The following ABTB3 variants were observed in gnomAD, a reference collection of about 807,000 sequenced individuals.
The protein encoded by ABTB3 is ankyrin repeat and BTB domain containing 3.
the ABTB3 span, among the ~76,000 whole-genome samples, chr12:107,475,558 G>T: frequency 1.3e-5 from 2 of 152,148 alleles, no homozygotes; most frequent in Non-Finnish European, 2.9e-5. Flanking sequence ...GTAGAACTCT[G>T]ATCTGACCCA....
the ABTB3 span, among the ~76,000 whole-genome samples, chr12:107,367,764 CA>C: frequency 6.6e-6 from 1 of 152,134 alleles, no homozygotes; most frequent in African/African-American, 2.4e-5. Context: ...CTTGGCCTTC[CA>C]AAGTGCTGGG....
chr12:107,641,261 T>C, the ABTB3 span, among the ~76,000 whole-genome samples: 1 of 152,194 alleles, frequency 6.6e-6, no homozygotes, highest in Non-Finnish European at 1.5e-5. Flanking sequence ...TGCATAGTTT[T>C]CAGTCATGAC....
the ABTB3 span, among the ~76,000 whole-genome samples, chr12:107,492,251 C>G: frequency 6.6e-6 from 1 of 152,080 alleles, no homozygotes; most frequent in African/African-American, 2.4e-5. Flanking sequence ...TGTCAGGCTT[C>G]GTGTTCACCT....
chr12:107,332,894 G>A, the ABTB3 span, among the ~76,000 whole-genome samples: 6 of 152,302 alleles, frequency 3.9e-5, no homozygotes, highest in East Asian at 3.9e-4. Flanking sequence ...ATCATGAGCC[G>A]ACTCACAATT....
the ABTB3 span, among the ~76,000 whole-genome samples, chr12:107,433,580 C>T: frequency 5.9e-5 from 9 of 152,094 alleles, no homozygotes; most frequent in African/African-American, 2.2e-4. Flanking sequence ...CAGGTATGTT[C>T]TCCTCTCTGC....
At chr12:107,416,144 G>A in the ABTB3 span, among the ~76,000 whole-genome samples, 5 of 152,166 alleles carry the variant, frequency 3.3e-5, no homozygotes, top group African/African-American at 7.2e-5. Flanking sequence ...GCTTGCCCAC[G>A]TGTCATGACG....
the ABTB3 span, among the ~76,000 whole-genome samples, chr12:107,326,525 A>G: frequency 3.3e-5 from 5 of 152,214 alleles, no homozygotes; most frequent in Admixed American, 6.5e-5. Context: ...CAGATGTATC[A>G]TTGGCTCTCT....
chr12:107,585,363 A>G, the ABTB3 span, among the ~76,000 whole-genome samples: 1 of 152,194 alleles, frequency 6.6e-6, no homozygotes, highest in East Asian at 1.9e-4. Flanking sequence ...GCAAAGAGTA[A>G]TAGAATGGGA....
chr12:107,585,485 C>T, the ABTB3 span, among the ~76,000 whole-genome samples: 11 of 152,144 alleles, frequency 7.2e-5, no homozygotes, highest in Non-Finnish European at 1.3e-4. Flanking sequence ...AGCAGGTGAC[C>T]TTGGGCAAGT....
the ABTB3 span, among the ~76,000 whole-genome samples, chr12:107,481,916 TC>T: frequency 5.2e-4 from 78 of 151,350 alleles, 1 homozygote; most frequent in African/African-American, 1.7e-3. Context: ...TCTCTCTCTC[TC>T]TCTCTCTCTC....
the ABTB3 span, among the ~76,000 whole-genome samples, chr12:107,351,929 GTCTT>G: frequency 6.6e-6 from 1 of 152,182 alleles, no homozygotes. Context: ...GGTAGGAAGA[GTCTT>G]TAACTGATAT....
the ABTB3 span, among the ~76,000 whole-genome samples, chr12:107,365,518 C>G: frequency 3.3e-5 from 5 of 152,162 alleles, no homozygotes; most frequent in Admixed American, 2.6e-4. Context: ...TGGGTATCTT[C>G]TTCAACTCTT....
chr12:107,626,855 CAT>C, the ABTB3 span, among the ~76,000 whole-genome samples: 1 of 152,134 alleles, frequency 6.6e-6, no homozygotes, highest in African/African-American at 2.4e-5. Flanking sequence ...ACCAAATAGA[CAT>C]AGGATCAAAT....
At chr12:107,644,470 C>T in the ABTB3 span, among the ~76,000 whole-genome samples, 2 of 152,176 alleles carry the variant, frequency 1.3e-5, no homozygotes, top group Admixed American at 6.5e-5. Flanking sequence ...AACCTGTGCT[C>T]TCAGTTACAG....
chr12:107,544,662 G>A, the ABTB3 span, among the ~76,000 whole-genome samples: 222 of 152,294 alleles, frequency 1.5e-3, no homozygotes, highest in African/African-American at 4.9e-3. Flanking sequence ...GCTGCCTGGA[G>A]GCCTCCTGTC....
chr12:107,553,549 T>C, the ABTB3 span, among the ~76,000 whole-genome samples: 1 of 152,150 alleles, frequency 6.6e-6, no homozygotes, highest in Non-Finnish European at 1.5e-5. Flanking sequence ...AGTGAGACCT[T>C]GTCCAGAAGA....
the ABTB3 span, among the ~76,000 whole-genome samples, chr12:107,334,010 T>C: frequency 1.3e-5 from 2 of 152,100 alleles, no homozygotes; most frequent in Non-Finnish European, 2.9e-5. Context: ...GAACAGCCAG[T>C]GTAAGGGCAC....
the ABTB3 span, among the ~76,000 whole-genome samples, chr12:107,490,499 GT>G: frequency 6.6e-6 from 1 of 152,154 alleles, no homozygotes; most frequent in Non-Finnish European, 1.5e-5. Flanking sequence ...AGAAATGATA[GT>G]GGTGGGGAGA....
the ABTB3 span, among the ~76,000 whole-genome samples, chr12:107,575,118 A>C: frequency 1.3e-5 from 2 of 152,316 alleles, no homozygotes; most frequent in South Asian, 4.1e-4. Flanking sequence ...TTCCTAAACC[A>C]CAAATATCGA....
Sources: gnomAD v4.1 joint callset for allele counts (sites outside exome capture counted in the v4.1 genomes callset) on GRCh38, gnomAD v4.1.1 for gene constraint, MANE v1.5 for transcripts, NCBI Gene and HGNC (gene_info 2026-07-23, HGNC 2026-07-21) for gene names.